Variants in DDC observed in about 807,000 individuals in gnomAD.
DDC encodes the protein aromatic-L-amino-acid decarboxylase.
DDC carries 43 observed loss-of-function variants against 60.0 expected under a neutral mutation model. The observed-to-expected ratio is 0.72, with a 90% CI of 0.56 to 0.92. The LOEUF is 0.92. Ranked by LOEUF, DDC falls within the 40% of genes least tolerant of loss-of-function variation. The pLI, the probability that DDC is intolerant of heterozygous loss-of-function variation, is 0.00. For missense variants in DDC, 573 were observed against 620.2 expected, an observed-to-expected ratio of 0.92 and a Z score of 0.81; for synonymous variants, 232 against 234.6, an observed-to-expected ratio of 0.99 and a Z score of 0.10.
At chr7:50,550,124 G>A (rs970617343) in intron 1 of DDC, among the ~76,000 whole-genome samples, 13 of 152,136 alleles carry the variant, frequency 8.5e-5, no homozygotes, top group African/African-American at 2.9e-4. Context: ...AGAGTTGATC[G>A]ATGCAGCAAA....
intron 1 of DDC, among the ~76,000 whole-genome samples, chr7:50,563,686 C>T (rs942060894): frequency 3.3e-5 from 5 of 152,166 alleles, no homozygotes; most frequent in Non-Finnish European, 7.3e-5. Flanking sequence ...ACCGCAACCT[C>T]CGCCTCCCAC....
chr7:50,557,239 T>C (rs2153554125), intron 1 of DDC, among the ~76,000 whole-genome samples: 1 of 152,346 alleles, frequency 6.6e-6, no homozygotes, highest in African/African-American at 2.4e-5. Flanking sequence ...AACAATGCTC[T>C]GTCAAAGTAG....
chr7:50,561,058 C>T (rs1341608718), intron 1 of DDC: 1 of 152,118 alleles, frequency 6.6e-6, no homozygotes, highest in Non-Finnish European at 1.5e-5. Flanking sequence ...TCTCTCCTCT[C>T]CACAGTGACA....
intron 6 of DDC, among the ~76,000 whole-genome samples, chr7:50,513,072 C>T (rs148103069): frequency 2.7e-4 from 41 of 152,270 alleles, no homozygotes; most frequent in African/African-American, 9.6e-4. Context: ...CAAGAACAAA[C>T]CAGCAATCCC....
At chr7:50,475,578 T>G (rs2042623620) in intron 11 of DDC, among the ~76,000 whole-genome samples, 1 of 152,174 alleles carries the variant, frequency 6.6e-6, no homozygotes, top group African/African-American at 2.4e-5. Flanking sequence ...TGGGTCATTA[T>G]CACACCGGCT....
intron 4 of DDC, among the ~76,000 whole-genome samples, chr7:50,530,452 G>A (rs937690464): frequency 2.0e-5 from 3 of 152,078 alleles, no homozygotes; most frequent in African/African-American, 2.4e-5. Context: ...ATTCTTCTTC[G>A]ATCCACCCAG....
At chr7:50,463,971 A>G (rs2042341262) in intron 13 of DDC, among the ~76,000 whole-genome samples, 1 of 151,764 alleles carries the variant, frequency 6.6e-6, no homozygotes, top group South Asian at 2.1e-4. Context: ...CACCCCTCCC[A>G]CTACACTAGA....
At chr7:50,527,123 T>C (rs11575356) in intron 6 of DDC, among the ~76,000 whole-genome samples, 67,496 of 152,024 alleles carry the variant, frequency 0.44, 15,606 homozygotes, top group Non-Finnish European at 0.52. Context: ...TATATGAAAC[T>C]GACTTCATAT....
At chr7:50,498,392 G>A (rs4947582) in intron 8 of DDC, among the ~76,000 whole-genome samples, 72,097 of 152,006 alleles carry the variant, frequency 0.47, 17,187 homozygotes, top group Admixed American at 0.54. Flanking sequence ...TCCTTCTCTT[G>A]GAAACACTGC....
chr7:50,526,578 C>A (rs2044042385), intron 6 of DDC, among the ~76,000 whole-genome samples: 1 of 151,878 alleles, frequency 6.6e-6, no homozygotes, highest in Non-Finnish European at 1.5e-5. Flanking sequence ...AATAGTTGAG[C>A]CAAATAAAAA....
chr7:50,461,164 T>C (rs1318687084), intron 14 of DDC, among the ~76,000 whole-genome samples: 1 of 152,222 alleles, frequency 6.6e-6, no homozygotes, highest in Non-Finnish European at 1.5e-5. Flanking sequence ...CAGAGACAAT[T>C]GTGCAATGCC....
At chr7:50,522,539 A>G (rs2043920921) in intron 6 of DDC, among the ~76,000 whole-genome samples, 3 of 152,234 alleles carry the variant, frequency 2.0e-5, no homozygotes, top group African/African-American at 7.2e-5. Context: ...CTATAAATCA[A>G]GACAATATGG....
chr7:50,477,615 G>A, intron 10 of DDC: 1 of 448,908 alleles, frequency 2.2e-6, no homozygotes. Flanking sequence ...GTCACCACTT[G>A]GTATCATTCC....
At chr7:50,518,309 T>C (rs927314313) in intron 6 of DDC, among the ~76,000 whole-genome samples, 5 of 151,796 alleles carry the variant, frequency 3.3e-5, no homozygotes, top group Middle Eastern at 3.2e-3. Context: ...ATGACCATAC[T>C]ACCAAAAGCA....
chr7:50,480,635 G>T (rs1374138694), intron 9 of DDC, among the ~76,000 whole-genome samples: 1 of 152,208 alleles, frequency 6.6e-6, no homozygotes, highest in Non-Finnish European at 1.5e-5. Context: ...GTTACAGTCA[G>T]AATAGGAGTG....
chr7:50,463,758 T>C (rs1036739095), intron 13 of DDC, among the ~76,000 whole-genome samples: 4 of 152,134 alleles, frequency 2.6e-5, no homozygotes, highest in African/African-American at 4.8e-5. Context: ...AACAGCAGAA[T>C]TGGGGTTTCT....
chr7:50,537,908 T>C lies in DDC; in HGVS notation c.387A>G (p.Pro129=), dbSNP rs1210440680. 1.2e-6 allele frequency: 2 copies of C among 1,613,990 alleles called. No homozygotes were observed. Among genetic ancestry groups the C allele is most frequent in the Non-Finnish European group, 1.7e-6 (2 of 1,180,014 alleles). Residue 129 remains proline (P), a synonymous_variant, in exon 4 of 15, where the codon CCA becomes CCG. Transcript: ENST00000444124. ...CAGCTTTCTCATTCAAAAATGCCTTTGGTAGTTCCAGCATCTTCCCGAGCC... is the reference window on the plus strand; with the variant it reads ...CAGCTTTCTCATTCAAAAATGCCTTCGGTAGTTCCAGCATCTTCCCGAGCC... ...MDWLGKMLEL[P]KAFLNEKAGE... is the part of the protein sequence containing the mutation.
intron 6 of DDC, among the ~76,000 whole-genome samples, chr7:50,516,849 G>A (rs2043744960): frequency 6.6e-6 from 1 of 151,992 alleles, no homozygotes; most frequent in Admixed American, 6.5e-5. Flanking sequence ...GAAATTCCTG[G>A]AAAAATACAA....
intron 10 of DDC, chr7:50,477,494 C>A: frequency 2.2e-6 from 1 of 456,230 alleles, no homozygotes; most frequent in Non-Finnish European, 4.4e-6. Context: ...CATAGCAGGC[C>A]CTGACCATGC....
Sources: gnomAD v4.1 joint callset for allele counts (sites outside exome capture counted in the v4.1 genomes callset) on GRCh38, gnomAD v4.1.1 for gene constraint, MANE v1.5 for transcripts, NCBI Gene and HGNC (gene_info 2026-07-23, HGNC 2026-07-21) for gene names.